POU2F1: variants seen among roughly 807,000 people sequenced by gnomAD.
POU2F1 encodes POU class 2 homeobox 1, also known as POU domain, class 2, transcription factor 1.
In POU2F1, 16 loss-of-function variants were observed where a neutral mutation model predicts 84.9. The ratio of observed to expected loss-of-function variants is 0.19; its 90% CI spans 0.13 to 0.29. The LOEUF is 0.29. POU2F1 is among the 10% of genes least tolerant of loss of function. The pLI, the probability that POU2F1 is intolerant of heterozygous loss-of-function variation, is 1.00. For missense variants in POU2F1, 738 were observed against 942.6 expected (o/e 0.78, Z 2.84); for synonymous variants, 368 against 368.3 (o/e 1.00, Z 0.01).
At chr1:167,289,597 C>T (rs1653775989) in intron 1 of POU2F1, among the ~76,000 whole-genome samples, 1 of 152,108 alleles carries the variant, frequency 6.6e-6, no homozygotes, top group Non-Finnish European at 1.5e-5. Context: ...GCTGTAAGTG[C>T]TGAGAGGGTA....
chr1:167,225,532 G>A (rs1648566541), intron 1 of POU2F1, among the ~76,000 whole-genome samples: 1 of 152,324 alleles, frequency 6.6e-6, no homozygotes, highest in East Asian at 1.9e-4. Flanking sequence ...TTTGCAATAA[G>A]TTCAGGGCTC....
At chr1:167,286,825 A>G (rs1442980256) in intron 1 of POU2F1, among the ~76,000 whole-genome samples, 1 of 152,236 alleles carries the variant, frequency 6.6e-6, no homozygotes, top group African/African-American at 2.4e-5. Context: ...AATGGATTAG[A>G]TAACCTGAAA....
intron 1 of POU2F1, among the ~76,000 whole-genome samples, chr1:167,296,405 TGGA>T (rs1365656343): frequency 1.3e-5 from 2 of 152,154 alleles, no homozygotes; most frequent in Non-Finnish European, 2.9e-5. Context: ...TTTTCTCTGT[TGGA>T]CCTATTTTTA....
chr1:167,328,575 T>C (rs1460839789), intron 1 of POU2F1, among the ~76,000 whole-genome samples: 3 of 152,138 alleles, frequency 2.0e-5, no homozygotes, highest in African/African-American at 4.8e-5. Context: ...GTCTGTAGGG[T>C]TGTTTCTAAT....
intron 1 of POU2F1, among the ~76,000 whole-genome samples, chr1:167,221,701 A>T (rs35776661): frequency 6.0e-5 from 9 of 150,362 alleles, no homozygotes; most frequent in Non-Finnish European, 1.3e-4. Context: ...CTGGTCCCCA[A>T]TGTGGTGGCC....
At chr1:167,390,806 A>T (rs970703400) in intron 9 of POU2F1, among the ~76,000 whole-genome samples, 22 of 152,218 alleles carry the variant, frequency 1.4e-4, no homozygotes, top group African/African-American at 4.8e-4. Context: ...GTAAAAATTA[A>T]TAAAAATTAA....
At chr1:167,282,292 C>T (rs1052207060) in intron 1 of POU2F1, among the ~76,000 whole-genome samples, 1 of 151,854 alleles carries the variant, frequency 6.6e-6, no homozygotes, top group African/African-American at 2.4e-5. Context: ...TACAGGCGCC[C>T]GCCACCACGC....
rs964616913 is a variant in POU2F1 at position 167,423,832 on chromosome 1, G to C, written c.*8022G>C. 3 of 152,196 alleles carry C rather than the reference G, an allele frequency of 2.0e-5. No individual in the cohort carries two copies. Among genetic ancestry groups the C allele is most frequent in the Non-Finnish European group, 4.4e-5 (3 of 68,048 alleles). The allele number at this position is 152,196 out of a possible 1,614,324, so 9.4% of individuals were successfully genotyped here. ...AGGCTTCTTTCATAAATTGGCAGTGGCATTGAGTTCTCAAACATTATATCC... is the reference window on the plus strand; with the variant it reads ...AGGCTTCTTTCATAAATTGGCAGTGCCATTGAGTTCTCAAACATTATATCC... On this transcript the variant is annotated 3_prime_UTR_variant, in exon 16 of 16. Coordinates refer to ENST00000367866, the MANE Select transcript of POU2F1 (RefSeq NM_002697.4).
At chr1:167,323,896 T>C (rs918188691) in intron 1 of POU2F1, among the ~76,000 whole-genome samples, 2 of 152,144 alleles carry the variant, frequency 1.3e-5, no homozygotes, top group Non-Finnish European at 2.9e-5. Flanking sequence ...TTTCACCATG[T>C]TGGCCAGGCT....
At chr1:167,266,507 C>A (rs1651964434) in intron 1 of POU2F1, among the ~76,000 whole-genome samples, 1 of 151,538 alleles carries the variant, frequency 6.6e-6, no homozygotes, top group Admixed American at 6.6e-5. Context: ...ATTATTAAAA[C>A]AAAATCAGTA....
chr1:167,395,586 A>T (rs1255655338), intron 9 of POU2F1, among the ~76,000 whole-genome samples: 1 of 152,056 alleles, frequency 6.6e-6, no homozygotes, highest in Admixed American at 6.6e-5. Flanking sequence ...AGATAAATTT[A>T]TTTTTATTTT....
Position 167,365,463 on chromosome 1 carries a change from C to T in POU2F1, c.128-4C>T, listed in dbSNP as rs901648838. The T allele has an allele frequency of 6.4e-7, 1 of 1,560,148 alleles. No homozygotes were observed. Among genetic ancestry groups the T allele is most frequent in the Non-Finnish European group, 8.7e-7 (1 of 1,155,956 alleles). On this transcript the variant is annotated splice_polypyrimidine_tract_variant and splice_region_variant and intron_variant, in intron 2 of 15. Coordinates refer to ENST00000367866, the MANE Select transcript of POU2F1 (RefSeq NM_002697.4). ...TAGTTGAAATTATTTTGCTTGCTTTCTAGGCACACAAACCAATGGTCTGGA... is the reference window on the plus strand; with the variant it reads ...TAGTTGAAATTATTTTGCTTGCTTTTTAGGCACACAAACCAATGGTCTGGA...
chr1:167,385,363 A>C (rs889355976), intron 8 of POU2F1, among the ~76,000 whole-genome samples: 1 of 152,182 alleles, frequency 6.6e-6, no homozygotes, highest in African/African-American at 2.4e-5. Flanking sequence ...TGTAGAAAAC[A>C]CAGAATAACC....
intron 13 of POU2F1, among the ~76,000 whole-genome samples, chr1:167,408,556 A>G (rs1045705995): frequency 1.1e-4 from 17 of 152,210 alleles, no homozygotes; most frequent in Non-Finnish European, 2.2e-4. Flanking sequence ...GATTCGTGCT[A>G]CAATGTGGAT....
chr1:167,256,843 G>A (rs561040863), intron 1 of POU2F1, among the ~76,000 whole-genome samples: 1 of 152,274 alleles, frequency 6.6e-6, no homozygotes, highest in African/African-American at 2.4e-5. Context: ...GAGTCTGGGT[G>A]CACTGGTTAT....
intron 1 of POU2F1, among the ~76,000 whole-genome samples, chr1:167,271,584 A>G (rs971501558): frequency 1.3e-5 from 2 of 152,152 alleles, no homozygotes; most frequent in African/African-American, 4.8e-5. Flanking sequence ...ATTTTCTGAC[A>G]TGAGTAGATT....
chr1:167,408,797 A>G (rs1649762330), intron 13 of POU2F1, among the ~76,000 whole-genome samples: 1 of 152,244 alleles, frequency 6.6e-6, no homozygotes, highest in African/African-American at 2.4e-5. Context: ...AAAGTCATCA[A>G]ATTTTAAAGC....
intron 1 of POU2F1, chr1:167,258,050 G>C (rs1336561046): frequency 2.0e-5 from 3 of 152,064 alleles, no homozygotes; most frequent in Admixed American, 2.0e-4. Context: ...TTGAGATTTA[G>C]GTAAAATAAT....
intron 1 of POU2F1, among the ~76,000 whole-genome samples, chr1:167,307,423 T>C (rs1441865967): frequency 1.3e-5 from 2 of 151,050 alleles, no homozygotes; most frequent in Non-Finnish European, 2.9e-5. Context: ...ATCTTGTGAC[T>C]AGGGATTTCT....
Sources: allele counts gnomAD v4.1 joint callset (sites outside exome capture counted in the v4.1 genomes callset), GRCh38; gene constraint gnomAD v4.1.1; transcripts MANE v1.5; gene names NCBI Gene and HGNC (gene_info 2026-07-23, HGNC 2026-07-21).